Variants in GNAO1 observed in about 807,000 individuals in gnomAD.
The protein encoded by GNAO1 is G protein subunit alpha o1.
For missense variants in GNAO1, 166 were observed against 478.7 expected, an observed-to-expected ratio of 0.35 and a Z score of 6.10; for synonymous variants, 164 against 180.7, an observed-to-expected ratio of 0.91 and a Z score of 0.74.
chr16:56,195,684 A>G (rs1199550111), intron 2 of GNAO1, among the ~76,000 whole-genome samples: 2 of 152,220 alleles, frequency 1.3e-5, no homozygotes, highest in Admixed American at 1.3e-4. Context: ...TTTAGGTTAC[A>G]CCCTGTGATA....
intron 7 of GNAO1, chr16:56,352,471 G>C (rs2037932961): frequency 1.3e-5 from 2 of 152,430 alleles, no homozygotes; most frequent in African/African-American, 4.8e-5. Context: ...AGTGCACAGG[G>C]CCAGCACCCT....
At chr16:56,209,556 G>A (rs1245607178) in intron 2 of GNAO1, among the ~76,000 whole-genome samples, 1 of 152,126 alleles carries the variant, frequency 6.6e-6, no homozygotes, top group African/African-American at 2.4e-5. Context: ...CCACTACTCT[G>A]AGTAGAATTG....
chr16:56,326,156 G>T lies in GNAO1; in HGVS notation c.304-2475G>T, dbSNP rs1022427933. ...GTTCCCAGCCATGCCTCTTCCTGTC[G>T]CTGGGACATCTCGCAGTGCCACTCT... On this transcript the variant is annotated intron_variant, in intron 3 of 8. Coordinates refer to ENST00000262493, the MANE Select transcript of GNAO1 (RefSeq NM_020988.3). This position sits in a 1 kb window ranked among gnomAD's most constrained non-coding sequence, Gnocchi z 4.8. Among the ~76,000 whole-genome samples, 1 of 152,174 alleles carries T rather than the reference G, an allele frequency of 6.6e-6. No homozygotes were observed. The highest frequency in any genetic ancestry group is 6.5e-5 in the Admixed American group (1 of 15,282).
intron 5 of GNAO1, chr16:56,336,374 G>C (rs1288630195): frequency 5.2e-6 from 1 of 193,562 alleles, no homozygotes; most frequent in African/African-American, 2.3e-5. Context: ...GCAAACCCAG[G>C]AAGGAATAGA....
chr16:56,247,488 T>TG (rs1462584543), intron 2 of GNAO1, among the ~76,000 whole-genome samples: 1 of 150,682 alleles, frequency 6.6e-6, no homozygotes. Flanking sequence ...TGAGGTTTTT[T>TG]TTTTTTTTTT....
At chr16:56,321,363 C>T (rs1458147412) in intron 3 of GNAO1, among the ~76,000 whole-genome samples, 1 of 152,216 alleles carries the variant, frequency 6.6e-6, no homozygotes, top group Non-Finnish European at 1.5e-5. Context: ...ACTCAGGTGC[C>T]TCCCTCTCAG....
chr16:56,331,133 A>G (rs1248184572), intron 4 of GNAO1, among the ~76,000 whole-genome samples: 1 of 152,200 alleles, frequency 6.6e-6, no homozygotes, highest in Non-Finnish European at 1.5e-5. Flanking sequence ...AGGGGGTGCC[A>G]TTGACACCCT....
intron 3 of GNAO1, among the ~76,000 whole-genome samples, chr16:56,294,557 T>C (rs1412692769): frequency 1.3e-5 from 2 of 152,196 alleles, no homozygotes; most frequent in African/African-American, 2.4e-5. Context: ...GGGACTCTTA[T>C]GAATAATGCT....
chr16:56,342,052 G>A (rs2037810672), intron 6 of GNAO1, among the ~76,000 whole-genome samples: 1 of 152,228 alleles, frequency 6.6e-6, no homozygotes, highest in South Asian at 2.1e-4. Flanking sequence ...ACCCAGGCAT[G>A]TCCAGCTGGA....
chr16:56,251,568 C>G (rs2036800389), intron 2 of GNAO1, among the ~76,000 whole-genome samples: 1 of 152,176 alleles, frequency 6.6e-6, no homozygotes, highest in Non-Finnish European at 1.5e-5. Flanking sequence ...TATAGAACCC[C>G]AGGTGGTCAA....
At chr16:56,253,886 A>G (rs2036822142) in intron 2 of GNAO1, among the ~76,000 whole-genome samples, 1 of 152,240 alleles carries the variant, frequency 6.6e-6, no homozygotes, top group Admixed American at 6.5e-5. Context: ...TTAAAAAACA[A>G]ACAAAAAAAA....
At chr16:56,337,952 C>T (rs951234629) in intron 6 of GNAO1, among the ~76,000 whole-genome samples, 3 of 152,202 alleles carry the variant, frequency 2.0e-5, no homozygotes, top group Non-Finnish European at 2.9e-5. Flanking sequence ...CCCCACCCCA[C>T]GCCTCTGAAG....
chr16:56,272,102 G>A (rs933984669), intron 2 of GNAO1, among the ~76,000 whole-genome samples: 12 of 152,294 alleles, frequency 7.9e-5, no homozygotes, highest in Admixed American at 5.2e-4. Context: ...AGTTTTGGGA[G>A]TATGAATAAT....
chr16:56,262,858 G>A (rs1212532503), intron 2 of GNAO1, among the ~76,000 whole-genome samples: 1 of 152,220 alleles, frequency 6.6e-6, no homozygotes, highest in African/African-American at 2.4e-5. Flanking sequence ...AAAAGCTCAT[G>A]TCTGCACATA....
intron 3 of GNAO1, among the ~76,000 whole-genome samples, chr16:56,304,835 C>T (rs753416145): frequency 6.6e-6 from 1 of 152,244 alleles, no homozygotes; most frequent in African/African-American, 2.4e-5. Context: ...CATGCCTACA[C>T]GTGCAGTCTG....
At chr16:56,260,591 C>G (rs967606351) in intron 2 of GNAO1, among the ~76,000 whole-genome samples, 2 of 152,156 alleles carry the variant, frequency 1.3e-5, no homozygotes, top group Non-Finnish European at 2.9e-5. Context: ...GGTCTGCCAC[C>G]CCTACAGCCA....
chr16:56,251,105 A>G (rs1412550359), intron 2 of GNAO1, among the ~76,000 whole-genome samples: 4 of 152,224 alleles, frequency 2.6e-5, no homozygotes, highest in African/African-American at 9.6e-5. Flanking sequence ...ACAGTCTACA[A>G]CAGGCTATCA....
At chr16:56,305,430 C>CCTT (rs1419721581) in intron 3 of GNAO1, among the ~76,000 whole-genome samples, 2 of 152,052 alleles carry the variant, frequency 1.3e-5, no homozygotes, top group African/African-American at 4.8e-5. Flanking sequence ...TCAGGGAAAG[C>CCTT]CTTATCTTGG....
chr16:56,197,507 C>G (rs983418966), intron 2 of GNAO1, among the ~76,000 whole-genome samples: 6 of 152,182 alleles, frequency 3.9e-5, no homozygotes, highest in African/African-American at 1.2e-4. Flanking sequence ...AATAGTCCAC[C>G]CGATCTCCTC....
Sources: gnomAD v4.1 joint callset for allele counts (sites outside exome capture counted in the v4.1 genomes callset) on GRCh38, gnomAD v4.1.1 for gene constraint, Gnocchi (gnomAD v3.1) non-coding constraint, MANE v1.5 for transcripts, NCBI Gene and HGNC (gene_info 2026-07-23, HGNC 2026-07-21) for gene names.